The following ANKRD35 variants were observed in gnomAD, a reference collection of about 807,000 sequenced individuals.
ANKRD35 encodes ankyrin repeat domain 35, also known as ankyrin repeat domain-containing protein 35.
Under a neutral mutation model 109.9 loss-of-function variants are expected in ANKRD35, and 102 were observed. The observed-to-expected ratio is 0.93, with a 90% confidence interval of 0.79 to 1.09. The LOEUF (loss-of-function observed/expected upper bound fraction) is 1.09. ANKRD35 is among the 50% of genes least tolerant of loss of function. The pLI is 0.00. For synonymous variants in ANKRD35, 515 were observed against 512.4 expected, an observed-to-expected ratio of 1.01 and a Z score of -0.07; for missense variants, 1,240 against 1,230.1, an observed-to-expected ratio of 1.01 and a Z score of -0.12.
chr1:145,870,090 ATTT>A (rs35685393), intron 10 of ANKRD35, among the ~76,000 whole-genome samples: 1 of 138,604 alleles, frequency 7.2e-6, no homozygotes. Flanking sequence ...AGAGTTCCAA[ATTT>A]TTTTTTTTTT....
In ANKRD35 at chr1:145,873,635, C is replaced by T. The variant is rs1344674864; in HGVS notation, c.1134G>A (p.Leu378=). The change falls in exon 10 of 14, where the codon CTG becomes CTA. Residue 378 remains leucine (L), a synonymous_variant. Coordinates refer to ENST00000355594, the MANE Select transcript of ANKRD35 (RefSeq NM_144698.5). ...TCTTTAGCTCTTGTGTACTCTCAGC[C>T]AGCAGGTCCTTAGGACAACCCTGCT... ...GMEQGCPKDL[L]AESTQELKKQ... is the part of the protein sequence containing the mutation. The T allele has an allele frequency of 6.2e-7, 1 of 1,613,990 alleles. No individual in the cohort carries two copies. The highest frequency in any genetic ancestry group is 1.3e-5 in the African/African-American group (1 of 74,930).
chr1:145,879,904 G>A (rs1188372768), intron 1 of ANKRD35, among the ~76,000 whole-genome samples: 1 of 152,102 alleles, frequency 6.6e-6, no homozygotes, highest in Non-Finnish European at 1.5e-5. Flanking sequence ...TTACAGCTAG[G>A]AGTTCCAATA....
chr1:145,869,891 C>A (rs1653746399), intron 10 of ANKRD35, among the ~76,000 whole-genome samples: 1 of 152,212 alleles, frequency 6.6e-6, no homozygotes, highest in Non-Finnish European at 1.5e-5. Context: ...GACTCCTTGG[C>A]CGATGCTCTT....
Position 145,874,971 on chromosome 1 carries a change from G to A in ANKRD35, c.596C>T (p.Ala199Val), listed in dbSNP as rs2101709742. Residue 199 changes from alanine to valine, a missense_variant, in exon 8 of 14, where the codon GCC (alanine) becomes GTC (valine). By Grantham distance (64) the Ala-to-Val change is moderately conservative. Coordinates refer to ENST00000355594, the MANE Select transcript of ANKRD35 (RefSeq NM_144698.5). ...ALILACEKGS[A>V]EVAELLLSHG... ...GCTCAGGAGCAGTTCAGCCACCTCG[G>A]CACTGCCTTTCTCACAGGCCAGGAT... 1 of 1,611,498 alleles carries A rather than the reference G, an allele frequency of 6.2e-7. No homozygotes were observed. Among genetic ancestry groups the A allele is most frequent in the Non-Finnish European group, 8.5e-7 (1 of 1,178,916 alleles).
intron 12 of ANKRD35, 77 bp downstream of exon 12, chr1:145,867,914 A>G: frequency 1.4e-6 from 2 of 1,406,350 alleles, no homozygotes; most frequent in Non-Finnish European, 2.0e-6. Flanking sequence ...ACCCTGGAGA[A>G]GAGAGAGGGA....
Position 145,872,499 on chromosome 1 carries a change from A to G in ANKRD35, c.2270T>C (p.Leu757Ser). The change falls in exon 10 of 14, where the codon TTG becomes TCG. Residue 757 changes from leucine to serine, a missense_variant. Coordinates refer to ENST00000355594, the MANE Select transcript of ANKRD35 (RefSeq NM_144698.5). ...LARLQEENQQ[L>S]RGSLSPCREP... ...CCTACACGGGGACAAGGACCCCCGC[A>G]ACTGCTGGTTTTCTTCTTGCAGCCG... is the stretch of plus-strand genomic sequence containing the variant. The G allele has an allele frequency of 2.5e-6, 4 of 1,600,678 alleles. No homozygotes were observed. The highest frequency in any genetic ancestry group is 2.6e-6 in the Non-Finnish European group (3 of 1,173,990).
chr1:145,877,689 C>T (rs1335506712), intron 4 of ANKRD35, among the ~76,000 whole-genome samples: 2 of 152,170 alleles, frequency 1.3e-5, no homozygotes, highest in South Asian at 2.1e-4. Flanking sequence ...TCCTCTTGCC[C>T]CTCATCATAG....
At position 145,872,845 on chromosome 1, in the gene ANKRD35, G is replaced by T; in HGVS notation, c.1924C>A (p.Gln642Lys). Reference sequence around the variant, plus strand: ...TGGCTCAGGGACTGTAGCTCCCTCTGCAACCTCTGCCGCTCCCGCCCCAAC... The same window carrying T: ...TGGCTCAGGGACTGTAGCTCCCTCTTCAACCTCTGCCGCTCCCGCCCCAAC... ...GELGRERQRL[Q>K]RELQSLSQRL... The change falls in exon 10 of 14, where the codon CAG becomes AAG. Residue 642 changes from glutamine (Q) to lysine (K), a missense_variant. Gln to Lys is a moderately conservative substitution (Grantham distance 53, BLOSUM62 1). Coordinates refer to ENST00000355594, the MANE Select transcript of ANKRD35 (RefSeq NM_144698.5). 1 of 1,614,058 alleles carries T rather than the reference G, an allele frequency of 6.2e-7. No homozygotes were observed. The highest frequency in any genetic ancestry group is 8.5e-7 in the Non-Finnish European group (1 of 1,180,022).
Position 145,872,386 on chromosome 1 carries a change from C to T in ANKRD35, c.2383G>A (p.Ala795Thr). 5.0e-6 allele frequency: 8 copies of T among 1,613,234 alleles called. No homozygotes were observed. Among genetic ancestry groups the T allele is most frequent in the Middle Eastern group, 1.7e-4 (1 of 6,044 alleles). ...TTCCCGCTCATCGTGGCCTGAACTG[C>T]CCGCAGCTCTTCCTCCAGCTTCCCC... ...DLGKLEEELR[A>T]VQATMSGKSQ... Residue 795 changes from alanine (A) to threonine (T), a missense_variant, in exon 10 of 14, where the codon GCA (alanine) becomes ACA (threonine). Physicochemically the swap from Ala to Thr is moderately conservative, Grantham distance 58. Coordinates refer to ENST00000355594, the MANE Select transcript of ANKRD35 (RefSeq NM_144698.5).
rs201815402 is a variant in ANKRD35 at position 145,873,240 on chromosome 1, C to G, written c.1529G>C (p.Arg510Pro). Residue 510 changes from arginine to proline, a missense_variant, in exon 10 of 14, where the codon CGG (arginine) becomes CCG (proline). By Grantham distance (103) the Arg-to-Pro change is moderately radical. Coordinates refer to ENST00000355594, the MANE Select transcript of ANKRD35 (RefSeq NM_144698.5). The part of the protein sequence containing the change: ...AAVWREKDAA[R>P]GALSRPVMEG... ...CATGACCGGTCTTGACAAAGCCCCCCGGGCAGCATCCTTTTCTCGCCACAC... is the reference window on the plus strand; with the variant it reads ...CATGACCGGTCTTGACAAAGCCCCCGGGGCAGCATCCTTTTCTCGCCACAC... The G allele has an allele frequency of 6.3e-5, 101 of 1,614,178 alleles. No homozygotes were observed. The highest frequency in any genetic ancestry group is 1.1e-4 in the East Asian group (5 of 44,880).
Position 145,868,388 on chromosome 1 carries a change from A to T in ANKRD35, c.2800T>A (p.Leu934Met), listed in dbSNP as rs1347536892. Reference protein sequence around the residue: ...RDKEAKIKELLKKLEQLSEEV... With the variant: ...RDKEAKIKELMKKLEQLSEEV... ...TCTGAAAGCTGCTCCAGCTTCTTCA[A>T]CAACTCCTTGATCTGAGGCCAAGAG... Residue 934 changes from leucine (L) to methionine (M), a missense_variant, in exon 11 of 14, where the codon TTG becomes ATG. Transcript: ENST00000355594. 6.2e-7 allele frequency: 1 copy of T among 1,614,094 alleles called. No homozygotes were observed. Among genetic ancestry groups the T allele is most frequent in the African/African-American group, 1.3e-5 (1 of 74,932 alleles).
At chr1:145,870,511 C>T (rs1304350443) in intron 10 of ANKRD35, among the ~76,000 whole-genome samples, 11 of 152,174 alleles carry the variant, frequency 7.2e-5, no homozygotes, top group African/African-American at 2.7e-4. Flanking sequence ...TGCCCAAGAT[C>T]AGACAATCTT....
chr1:145,871,164 T>TC (rs1653804892), intron 10 of ANKRD35, among the ~76,000 whole-genome samples: 29 of 118,866 alleles, frequency 2.4e-4, no homozygotes, highest in Non-Finnish European at 4.3e-4. Flanking sequence ...TTTTTTTTTT[T>TC]TTTTTTTTTT....
Position 145,872,270 on chromosome 1 carries a change from C to T in ANKRD35, c.2499G>A (p.Arg833=). 6.2e-7 allele frequency: 1 copy of T among 1,611,930 alleles called. No individual in the cohort carries two copies. Among genetic ancestry groups the T allele is most frequent in the South Asian group, 1.1e-5 (1 of 90,780 alleles). The change falls in exon 10 of 14, where the codon CGG becomes CGA. Residue 833 remains arginine, a synonymous_variant. Coordinates refer to ENST00000355594, the MANE Select transcript of ANKRD35 (RefSeq NM_144698.5). The part of the protein sequence containing the change: ...ELRAREAASL[R]QHEKTRGSLV... ...GCGAACCCCGAGTTTTCTCGTGTTG[C>T]CGTAGGCTGGCTGCCTCCCGGGCCC...
Position 145,872,137 on chromosome 1 carries a change from G to C in ANKRD35, c.2632C>G (p.Arg878Gly). Residue 878 changes from arginine to glycine, a missense_variant, in exon 10 of 14, where the codon CGC becomes GGC. By Grantham distance (125) the Arg-to-Gly change is moderately radical. Transcript: ENST00000355594. ...GCGGCCAGGTCCCCGCTCCGGCGGC[G>C]CTCCTCGGCCACCGCCTCCCGCAGC... ...GRLREAVAEE[R>G]RRSGDLAAQA... The C allele has an allele frequency of 6.2e-7, 1 of 1,608,998 alleles. No homozygotes were observed. The highest frequency in any genetic ancestry group is 8.5e-7 in the Non-Finnish European group (1 of 1,178,066).
chr1:145,876,732 C>A (rs587613581), intron 5 of ANKRD35, 84 bp downstream of exon 5: 1 of 1,608,746 alleles, frequency 6.2e-7, no homozygotes, highest in African/African-American at 1.3e-5. Context: ...ATTGGTTGGC[C>A]CTGGCTGCCC....
chr1:145,870,217 G>A (rs183696099), intron 10 of ANKRD35, among the ~76,000 whole-genome samples: 9 of 151,054 alleles, frequency 6.0e-5, no homozygotes, highest in Admixed American at 1.3e-4. Flanking sequence ...CAGCCTCTCC[G>A]AGTAGCTGGG....
Position 145,874,942 on chromosome 1 carries a change from C to T in ANKRD35, c.625G>A (p.Gly209Arg), listed in dbSNP as rs150487019. The stretch of plus-strand genomic sequence containing the variant: ...CTGTCCACAGCCCCCGCGTCAGCTC[C>T]GTGGCTCAGGAGCAGTTCAGCCACC... Reference protein sequence around the residue: ...AEVAELLLSHGADAGAVDSTG... With the variant: ...AEVAELLLSHRADAGAVDSTG... The change falls in exon 8 of 14, where the codon GGA becomes AGA. Residue 209 changes from glycine to arginine, a missense_variant. Gly to Arg is a moderately radical substitution (Grantham distance 125, BLOSUM62 -2). Coordinates refer to ENST00000355594, the MANE Select transcript of ANKRD35 (RefSeq NM_144698.5). 579 of 1,613,384 alleles carry T rather than the reference C, an allele frequency of 3.6e-4. 5 individuals carry two copies. Among genetic ancestry groups the T allele is most frequent in the South Asian group, 3.3e-3 (297 of 90,842 alleles).
chr1:145,885,763 G>T lies in ANKRD35; in HGVS notation c.-5C>A. On this transcript the variant is annotated 5_prime_UTR_variant, in exon 1 of 14. Transcript: ENST00000355594. Reference sequence around the variant, plus strand: ...GCAGGAGAAGATACGCTTCATGGCCGGGGTCGGGGCCACGGGGGATGGGGA... The same window carrying T: ...GCAGGAGAAGATACGCTTCATGGCCTGGGTCGGGGCCACGGGGGATGGGGA... 2 of 1,613,452 alleles carry T rather than the reference G, an allele frequency of 1.2e-6. No individual in the cohort carries two copies. The highest frequency in any genetic ancestry group is 1.7e-6 in the Non-Finnish European group (2 of 1,179,458).
Sources: gnomAD v4.1 joint callset for allele counts (sites outside exome capture counted in the v4.1 genomes callset) on GRCh38, gnomAD v4.1.1 for gene constraint, MANE v1.5 for transcripts, NCBI Gene and HGNC (gene_info 2026-07-23, HGNC 2026-07-21) for gene names.